The following NFXL1 variants were observed in gnomAD, a reference collection of about 807,000 sequenced individuals.
The protein encoded by NFXL1 is NF-X1-type zinc finger protein NFXL1.
NFXL1 carries 66 observed loss-of-function variants against 123.3 expected under a neutral mutation model. The ratio of observed to expected loss-of-function variants is 0.54; its 90% CI spans 0.44 to 0.66. The LOEUF (loss-of-function observed/expected upper bound fraction) is 0.66, where lower values mean the gene tolerates loss of function less well. Among genes scored for constraint, NFXL1 ranks in the 30% least tolerant of loss-of-function variants. The pLI is 0.00. For synonymous variants in NFXL1, 346 were observed against 360.8 expected (o/e 0.96, Z 0.46); for missense variants, 944 against 1,125.6 (o/e 0.84, Z 2.31).
At chr4:47,901,718 G>A (rs1337720059) in intron 5 of NFXL1, among the ~76,000 whole-genome samples, 2 of 152,126 alleles carry the variant, frequency 1.3e-5, no homozygotes, top group Non-Finnish European at 2.9e-5. Flanking sequence ...AGAAATCCTA[G>A]GTTTCAAATT....
chr4:47,869,545 T>C (rs938857484), intron 18 of NFXL1, among the ~76,000 whole-genome samples: 13 of 152,086 alleles, frequency 8.5e-5, no homozygotes, highest in African/African-American at 3.1e-4. Context: ...TGTAAAGACA[T>C]AGAAACTCTC....
At chr4:47,863,231 TTATCATTA>T (rs11277173) in intron 18 of NFXL1, among the ~76,000 whole-genome samples, 5,900 of 152,226 alleles carry the variant, frequency 0.039, 375 homozygotes, top group African/African-American at 0.13. Context: ...CCCTATAGAT[TTATCATTA>T]TAATTCATAA....
intron 19 of NFXL1, among the ~76,000 whole-genome samples, chr4:47,856,322 T>C (rs559792653): frequency 6.6e-6 from 1 of 152,286 alleles, no homozygotes; most frequent in South Asian, 2.1e-4. Flanking sequence ...AAAGTTGTTA[T>C]TATTATAAGT....
chr4:47,913,913 C>T, intron 2 of NFXL1, 56 bp downstream of exon 2: 1 of 1,281,102 alleles, frequency 7.8e-7, no homozygotes, highest in African/African-American at 1.5e-5. Context: ...GCGGTCCTGA[C>T]TAGTAACTGC....
intron 19 of NFXL1, among the ~76,000 whole-genome samples, chr4:47,862,307 A>G (rs1296984942): frequency 6.6e-6 from 1 of 152,212 alleles, no homozygotes; most frequent in Non-Finnish European, 1.5e-5. Context: ...TTAATATAGT[A>G]ATGAACTTGA....
In NFXL1 at chr4:47,855,125, A is replaced by G. The variant is rs1349476946; in HGVS notation, c.2355T>C (p.Pro785=). 6.3e-7 allele frequency: 1 copy of G among 1,590,740 alleles called. No homozygotes were observed. The highest frequency in any genetic ancestry group is 8.6e-7 in the Non-Finnish European group (1 of 1,164,568). ...CGHRCKEMCH[P]GECPFNCNQK... Reference sequence around the variant, plus strand: ...GGTTGCAGTTAAAGGGACATTCACCAGGATGACACATCTCTTTGCATCTAT... The same window carrying G: ...GGTTGCAGTTAAAGGGACATTCACCGGGATGACACATCTCTTTGCATCTAT... The change falls in exon 20 of 23, where the codon CCT becomes CCC. Residue 785 remains proline, a synonymous_variant. Coordinates refer to ENST00000507489, the MANE Select transcript of NFXL1 (RefSeq NM_001278624.2).
intron 9 of NFXL1, 76 bp from the exon 10 acceptor site, chr4:47,896,723 G>T: frequency 1.0e-6 from 1 of 979,430 alleles, no homozygotes. Context: ...TGTTCTTCAG[G>T]CTCCCTAAGG....
chr4:47,898,138 T>A (rs1737197041), intron 8 of NFXL1, 57 bp from the exon 9 acceptor site: 1 of 1,035,632 alleles, frequency 9.7e-7, no homozygotes, highest in South Asian at 1.5e-5. Context: ...AAAAAAAGAC[T>A]TCATACAAGA....
At chr4:47,882,756 TTGTA>T (rs1223332084) in intron 15 of NFXL1, among the ~76,000 whole-genome samples, 1 of 152,190 alleles carries the variant, frequency 6.6e-6, no homozygotes, top group Non-Finnish European at 1.5e-5. Flanking sequence ...TCCACTGGCT[TTGTA>T]TAGTGATGTT....
At position 47,909,659 on chromosome 4, in the gene NFXL1, CT is replaced by C. The variant is rs201359763; in HGVS notation, c.406+1164del. ...TACATGCAAAAATATTTCTTTCTTT[CT>C]TTTTTTTTTTTTAATTGAGACGGAG... On this transcript the variant is annotated intron_variant, in intron 3 of 22. Transcript: ENST00000507489. Among the ~76,000 whole-genome samples the C allele has an allele frequency of 7.0e-3, 997 of 143,204 alleles. 14 individuals carry two copies. The highest frequency in any genetic ancestry group is 0.017 in the East Asian group (85 of 4,970). The allele number at this position is 143,204 out of a possible 152,430, so 93.9% of individuals were successfully genotyped here.
rs1185828741 is a variant in NFXL1 at position 47,899,507 on chromosome 4, C to T, written c.689G>A (p.Ser230Asn). The stretch of plus-strand genomic sequence containing the variant: ...TTTTCCACAATAGCAATAGTACCTA[C>T]TAGGTGTTTCAGATCGTTTGTATTC... ...RFEYKRSETP[S>N]RYYCYCGKVE... is the part of the protein sequence containing the mutation. Residue 230 changes from serine (S) to asparagine (N), a missense_variant, in exon 6 of 23, where the codon AGT (serine) becomes AAT (asparagine). By Grantham distance (46) the Ser-to-Asn change is conservative (BLOSUM62 1). Around this residue, in one of 4 missense-constraint regions of NFXL1, gnomAD observed 303 missense variants for 292.1 expected, o/e 1.04. Coordinates refer to ENST00000507489, the MANE Select transcript of NFXL1 (RefSeq NM_001278624.2). The T allele has an allele frequency of 1.9e-6, 3 of 1,612,834 alleles. No homozygotes were observed. Among genetic ancestry groups the T allele is most frequent in the East Asian group, 4.5e-5 (2 of 44,868 alleles).
intron 3 of NFXL1, among the ~76,000 whole-genome samples, chr4:47,905,832 G>A (rs1486135942): frequency 6.6e-6 from 1 of 151,952 alleles, no homozygotes; most frequent in African/African-American, 2.4e-5. Context: ...AGACCCTGAG[G>A]TTTTTACAGT....
rs1461320147 is a variant in NFXL1, at chr4:47,914,566, G to A, written c.-204C>T. The A allele has an allele frequency of 9.1e-6, 2 of 218,890 alleles. No individual in the cohort carries two copies. Among genetic ancestry groups the A allele is most frequent in the East Asian group, 1.8e-4 (2 of 10,978 alleles). The allele number at this position is 218,890 out of a possible 1,614,324, so 13.6% of individuals were successfully genotyped here. ...CAGACTGACCCTGCGTCTCCCGCCG[G>A]GAACCAACTGCAGTGGTACACCCCA... On this transcript the variant is annotated 5_prime_UTR_variant, in exon 1 of 23. Coordinates refer to ENST00000507489, the MANE Select transcript of NFXL1 (RefSeq NM_001278624.2).
chr4:47,899,318 A>G (rs1449084886), intron 6 of NFXL1, 52 bp downstream of exon 6: 20 of 1,477,366 alleles, frequency 1.4e-5, no homozygotes, highest in Admixed American at 2.1e-5. Context: ...TTGCCTCAAT[A>G]TAAGAAGAAA....
intron 3 of NFXL1, among the ~76,000 whole-genome samples, chr4:47,910,078 T>A (rs1489964077): frequency 6.6e-6 from 1 of 152,190 alleles, no homozygotes; most frequent in African/African-American, 2.4e-5. Flanking sequence ...CACAGCAACA[T>A]CACTTTGGCC....
intron 22 of NFXL1, among the ~76,000 whole-genome samples, chr4:47,850,668 A>T (rs1343505926): frequency 6.6e-6 from 1 of 152,080 alleles, no homozygotes; most frequent in Non-Finnish European, 1.5e-5. Context: ...AAATGTACTG[A>T]TTAGTAAACT....
At position 47,898,753 on chromosome 4, in the gene NFXL1, T is replaced by C; in HGVS notation, c.1089+4A>G. 1 of 1,489,220 alleles carries C rather than the reference T, an allele frequency of 6.7e-7. No individual in the cohort carries two copies. Among genetic ancestry groups the C allele is most frequent in the Non-Finnish European group, 9.4e-7 (1 of 1,066,670 alleles). The allele number at this position is 1,489,220 out of a possible 1,614,324, so 92.3% of individuals were successfully genotyped here. The stretch of plus-strand genomic sequence containing the variant: ...CCCACCCCTCAAAATGCATATAAAC[T>C]TACTTGATCACAGTGCCATAGTGGA... On this transcript the variant is annotated splice_donor_region_variant and intron_variant, in intron 8 of 22. Coordinates refer to ENST00000507489, the MANE Select transcript of NFXL1 (RefSeq NM_001278624.2).
At position 47,848,034 on chromosome 4, in the gene NFXL1, C is replaced by T. The variant is rs1341481517; in HGVS notation, c.*129G>A. The T allele has an allele frequency of 1.7e-6, 1 of 590,154 alleles. No homozygotes were observed. The highest frequency in any genetic ancestry group is 2.8e-6 in the Non-Finnish European group (1 of 351,824). 36.6% of individuals were successfully genotyped at this position (590,154 alleles called of 1,614,324 possible). On this transcript the variant is annotated 3_prime_UTR_variant, in exon 23 of 23. Transcript: ENST00000507489. ...AAAGTTTAACATTCTGTCCTTCTAA[C>T]AACAGCTGAGAGAATACAGAGATGA...
intron 3 of NFXL1, among the ~76,000 whole-genome samples, chr4:47,910,606 C>T (rs1035899766): frequency 9.9e-5 from 15 of 152,146 alleles, no homozygotes; most frequent in African/African-American, 3.4e-4. Flanking sequence ...CCTCCTAAGG[C>T]TATAAAAGAG....
Sources: allele counts gnomAD v4.1 joint callset (sites outside exome capture counted in the v4.1 genomes callset), GRCh38; gene constraint gnomAD v4.1.1; regional missense constraint gnomAD v4.1.1; transcripts MANE v1.5; gene names NCBI Gene and HGNC (gene_info 2026-07-23, HGNC 2026-07-21).